Variants in CSMD1 observed in about 807,000 individuals in gnomAD.
CSMD1 encodes CUB and Sushi multiple domains 1.
CSMD1 carries 213 observed loss-of-function variants against 417.5 expected under a neutral mutation model. That is an observed-to-expected ratio of 0.51 (90% confidence interval 0.46 to 0.57). The LOEUF (loss-of-function observed/expected upper bound fraction) is 0.57, where lower values mean the gene tolerates loss of function less well. CSMD1 is among the 20% of genes least tolerant of loss of function. The pLI is 0.00. For missense variants in CSMD1, 6,923 were observed against 4,529.7 expected (o/e 1.53, Z -15.17); for synonymous variants, 2,862 against 1,736.8 (o/e 1.65, Z -16.11).
chr8:3,261,344 C>T (rs1245325701), intron 26 of CSMD1, among the ~76,000 whole-genome samples: 5 of 152,086 alleles, frequency 3.3e-5, no homozygotes, highest in African/African-American at 9.7e-5. Context: ...CAATTGCATT[C>T]TTGGGCATTT....
chr8:4,232,235 A>G lies in CSMD1; in HGVS notation c.415+187718T>C, dbSNP rs180924253. 3.3e-5 allele frequency among the ~76,000 whole-genome samples: 5 copies of G among 152,240 alleles called. No individual in the cohort carries two copies. The East Asian group carries it at 9.7e-4, about 29-fold the overall frequency. Reference sequence around the variant, plus strand: ...TTTTAAGACAGAGTCTCGCTCTGTCAGTCACCAGGCTGTAGTGCAGTGGCA... The same window carrying G: ...TTTTAAGACAGAGTCTCGCTCTGTCGGTCACCAGGCTGTAGTGCAGTGGCA... On this transcript the variant is annotated intron_variant, in intron 3 of 69. Coordinates refer to ENST00000635120, the MANE Select transcript of CSMD1 (RefSeq NM_033225.6).
chr8:3,066,617 C>G (rs1302504499), intron 49 of CSMD1, among the ~76,000 whole-genome samples: 1 of 152,166 alleles, frequency 6.6e-6, no homozygotes, highest in Non-Finnish European at 1.5e-5. Context: ...AGAGTAATAG[C>G]TTTAGTAAAA....
rs185465325 is a variant in CSMD1, at chr8:3,466,612, G to C, written c.1561+2100C>G. Among the ~76,000 whole-genome samples, 10 of 143,480 alleles carry C rather than the reference G, an allele frequency of 7.0e-5. No individual in the cohort carries two copies. The East Asian group carries it at 2.0e-3, about 29-fold the overall frequency. The allele number at this position is 143,480 out of a possible 152,430, so 94.1% of individuals were successfully genotyped here. On this transcript the variant is annotated intron_variant, in intron 12 of 69. Transcript: ENST00000635120. ...TTTTTTTTTTTTTGTATTCTGAGGA[G>C]AGATAGGGGTTTCACCATGTTGGCC...
chr8:4,123,688 T>G (rs1352362708), intron 3 of CSMD1, among the ~76,000 whole-genome samples: 1 of 152,220 alleles, frequency 6.6e-6, no homozygotes, highest in African/African-American at 2.4e-5. Flanking sequence ...TGATGATAAC[T>G]TCTATGGTTT....
chr8:4,355,140 C>T (rs1283548088), intron 3 of CSMD1, among the ~76,000 whole-genome samples: 10 of 151,906 alleles, frequency 6.6e-5, no homozygotes, highest in South Asian at 2.1e-4. Flanking sequence ...CGGGCGCCTG[C>T]AGTCCCAGCT....
intron 50 of CSMD1, among the ~76,000 whole-genome samples, chr8:3,048,969 G>A (rs965998950): frequency 6.6e-6 from 1 of 151,726 alleles, no homozygotes; most frequent in Non-Finnish European, 1.5e-5. Context: ...TGGCAACTGA[G>A]CATATGAAAA....
At chr8:3,262,194 TA>T (rs1431490830) in intron 26 of CSMD1, among the ~76,000 whole-genome samples, 2 of 74,548 alleles carry the variant, frequency 2.7e-5, no homozygotes, top group African/African-American at 9.7e-5. Flanking sequence ...AATATATATA[TA>T]TATATATATA....
At chr8:3,670,108 T>G (rs1798909938) in intron 7 of CSMD1, among the ~76,000 whole-genome samples, 2 of 151,884 alleles carry the variant, frequency 1.3e-5, no homozygotes, top group Non-Finnish European at 2.9e-5. Flanking sequence ...TGCAAAGTGT[T>G]GATCCTGGGT....
intron 3 of CSMD1, among the ~76,000 whole-genome samples, chr8:4,110,493 A>T (rs577172719): frequency 6.6e-6 from 1 of 152,146 alleles, no homozygotes; most frequent in African/African-American, 2.4e-5. Context: ...TTAACTTTTC[A>T]TATATTATTT....
chr8:4,802,196 G>C (rs1798327170), intron 1 of CSMD1, among the ~76,000 whole-genome samples: 1 of 152,176 alleles, frequency 6.6e-6, no homozygotes, highest in Non-Finnish European at 1.5e-5. Flanking sequence ...TCTATAGGAT[G>C]CTCATTTTGC....
chr8:3,670,781 G>A (rs192611964), intron 7 of CSMD1, among the ~76,000 whole-genome samples: 1 of 149,480 alleles, frequency 6.7e-6, no homozygotes, highest in Non-Finnish European at 1.5e-5. Flanking sequence ...ATAAGTATAC[G>A]GGATATACAT....
At chr8:4,129,022 G>A (rs1170593945) in intron 3 of CSMD1, among the ~76,000 whole-genome samples, 1 of 137,778 alleles carries the variant, frequency 7.3e-6, no homozygotes, top group South Asian at 2.4e-4. Context: ...GCTGCAGTAA[G>A]CCGAGATCGC....
chr8:4,717,563 T>TATCTATCTATCC (rs765602082), intron 1 of CSMD1, among the ~76,000 whole-genome samples: 2,991 of 137,156 alleles, frequency 0.022, 90 homozygotes, highest in African/African-American at 0.072. Context: ...TCTATCTATC[T>TATCTATCTATCC]ATCCATCCAT....
chr8:4,415,292 G>A (rs1030230008), intron 3 of CSMD1, among the ~76,000 whole-genome samples: 2 of 152,116 alleles, frequency 1.3e-5, no homozygotes, highest in Admixed American at 6.5e-5. Context: ...ACATTGCTAA[G>A]CATTCTCAAA....
intron 5 of CSMD1, among the ~76,000 whole-genome samples, chr8:3,823,490 T>A (rs1801863873): frequency 6.6e-6 from 1 of 152,198 alleles, no homozygotes; most frequent in Non-Finnish European, 1.5e-5. Context: ...TTTTGAACCA[T>A]TTAGCTTATG....
intron 50 of CSMD1, among the ~76,000 whole-genome samples, chr8:3,033,028 T>G (rs1810445583): frequency 6.6e-6 from 1 of 152,104 alleles, no homozygotes; most frequent in African/African-American, 2.4e-5. Flanking sequence ...TTCTGAATAT[T>G]CATTTAAAAG....
intron 49 of CSMD1, among the ~76,000 whole-genome samples, chr8:3,064,386 C>A (rs1008857642): frequency 2.4e-4 from 36 of 152,160 alleles, no homozygotes; most frequent in Admixed American, 2.3e-3. Context: ...CTCTCTCCCT[C>A]CTGCTGCCAT....
chr8:4,371,401 T>C (rs535242601), intron 3 of CSMD1, among the ~76,000 whole-genome samples: 4 of 152,350 alleles, frequency 2.6e-5, no homozygotes, highest in African/African-American at 7.2e-5. Context: ...CATATTTTTA[T>C]TCTGTTTAAT....
At chr8:2,940,722 T>C (rs1801812955) in intron 69 of CSMD1, among the ~76,000 whole-genome samples, 1 of 152,238 alleles carries the variant, frequency 6.6e-6, no homozygotes, top group Admixed American at 6.5e-5. Flanking sequence ...TATAATTATG[T>C]GGGGTTATCT....
Sources: allele counts gnomAD v4.1 joint callset (sites outside exome capture counted in the v4.1 genomes callset), GRCh38; gene constraint gnomAD v4.1.1; transcripts MANE v1.5; gene names NCBI Gene and HGNC (gene_info 2026-07-23, HGNC 2026-07-21).